Variants in DENND4C observed in about 807,000 individuals in gnomAD.
The protein encoded by DENND4C is DENN domain containing 4C, also known as DENN domain-containing protein 4C.
In DENND4C, 108 loss-of-function variants were observed where a neutral mutation model predicts 203.0. The observed-to-expected ratio is 0.53, with a 90% CI of 0.46 to 0.62. DENND4C has a LOEUF of 0.62. Among genes scored for constraint, DENND4C ranks in the 20% least tolerant of loss-of-function variants. The probability of loss-of-function intolerance (pLI) is 0.00; values close to 1 mark genes in which losing one functional copy is unlikely to be tolerated. For synonymous variants in DENND4C, 871 were observed against 792.4 expected, an observed-to-expected ratio of 1.10 and a Z score of -1.67; for missense variants, 2,481 against 2,301.2, an observed-to-expected ratio of 1.08 and a Z score of -1.60.
rs886956216 is a variant in DENND4C, at chr9:19,281,090, C to T, written c.305+4611C>T. Among the ~76,000 whole-genome samples, 5 of 152,266 alleles carry T rather than the reference C, an allele frequency of 3.3e-5. No homozygotes were observed. In the East Asian group the frequency reaches 9.6e-4, roughly 29 times the overall value. On this transcript the variant is annotated intron_variant, in intron 2 of 32. Transcript: ENST00000434457. ...TGACAAGCCCACCTGCCACCCCTCC[C>T]ATACAGTCATGACTGAAAGATGTGA...
chr9:19,372,970 A>ATTTTTTAATAAATAAATCTATTTTAAT lies in DENND4C; in HGVS notation c.*797_*798insTTTTTTAATAAATAAATCTATTTTAAT. 1 of 152,286 alleles carries ATTTTTTAATAAATAAATCTATTTTAAT rather than the reference A, an allele frequency of 6.6e-6. No homozygotes were observed. Among genetic ancestry groups the ATTTTTTAATAAATAAATCTATTTTAAT allele is most frequent in the Non-Finnish European group, 1.5e-5 (1 of 68,036 alleles). The allele number at this position is 152,286 out of a possible 1,614,324, so 9.4% of individuals were successfully genotyped here. On this transcript the variant is annotated 3_prime_UTR_variant, in exon 33 of 33. Transcript: ENST00000434457. ...CATATTCTAAGTGTATATTTATTAAAATAGATTGCATGTTGCAATACGGTT... is the reference window on the plus strand; with the variant it reads ...CATATTCTAAGTGTATATTTATTAAATTTTTTAATAAATAAATCTATTTTAATATAGATTGCATGTTGCAATACGGTT...
intron 1 of DENND4C, among the ~76,000 whole-genome samples, chr9:19,255,759 T>A (rs145897268): frequency 1.3e-5 from 2 of 152,246 alleles, no homozygotes; most frequent in African/African-American, 4.8e-5. Flanking sequence ...AAAAGACAAA[T>A]CCATAATTTT....
At chr9:19,237,116 G>T (rs560046966) in intron 1 of DENND4C, among the ~76,000 whole-genome samples, 4 of 152,114 alleles carry the variant, frequency 2.6e-5, no homozygotes, top group Non-Finnish European at 5.9e-5. Context: ...CACCTCCTCG[G>T]TTCAAGCGAT....
chr9:19,338,067 T>C (rs1428273255), intron 20 of DENND4C, among the ~76,000 whole-genome samples: 4 of 152,170 alleles, frequency 2.6e-5, no homozygotes, highest in African/African-American at 9.7e-5. Context: ...TACAGGAGCA[T>C]GTGTAAATTT....
At chr9:19,340,372 C>A (rs1018465247) in intron 20 of DENND4C, among the ~76,000 whole-genome samples, 3 of 152,204 alleles carry the variant, frequency 2.0e-5, no homozygotes, top group Non-Finnish European at 4.4e-5. Flanking sequence ...TAGTCCTCCC[C>A]TGGCCCTTTC....
chr9:19,303,069 G>C (rs543739290), intron 9 of DENND4C, among the ~76,000 whole-genome samples: 1 of 151,750 alleles, frequency 6.6e-6, no homozygotes, highest in South Asian at 2.1e-4. Flanking sequence ...AAAATGCTTG[G>C]AAAGAAGTGC....
At chr9:19,313,776 G>T (rs1161452327) in intron 10 of DENND4C, among the ~76,000 whole-genome samples, 1 of 152,216 alleles carries the variant, frequency 6.6e-6, no homozygotes, top group Non-Finnish European at 1.5e-5. Context: ...TTGACTTACA[G>T]TTTCTTGTGC....
At chr9:19,257,424 A>G (rs1040203673) in intron 1 of DENND4C, among the ~76,000 whole-genome samples, 3 of 152,098 alleles carry the variant, frequency 2.0e-5, no homozygotes, top group African/African-American at 4.8e-5. Context: ...TGCTTAGGAA[A>G]TGATTTGTAG....
intron 27 of DENND4C, 179 bp from the exon 28 acceptor site, chr9:19,357,785 CT>C: frequency 1.9e-6 from 1 of 523,108 alleles, no homozygotes; most frequent in Non-Finnish European, 3.3e-6. Context: ...CTACTCCATC[CT>C]GTTTTTCTGA....
intron 10 of DENND4C, among the ~76,000 whole-genome samples, chr9:19,306,667 A>C (rs1487300405): frequency 6.6e-6 from 1 of 151,918 alleles, no homozygotes; most frequent in African/African-American, 2.4e-5. Flanking sequence ...AATTTTGCGC[A>C]GTTTTGAGTA....
intron 16 of DENND4C, among the ~76,000 whole-genome samples, chr9:19,329,819 A>G (rs1215490309): frequency 1.3e-5 from 2 of 152,244 alleles, no homozygotes; most frequent in East Asian, 1.9e-4. Flanking sequence ...CAAGTATTAC[A>G]ATCCAAAGGG....
intron 30 of DENND4C, among the ~76,000 whole-genome samples, chr9:19,365,957 G>A (rs1827572345): frequency 6.6e-6 from 1 of 152,046 alleles, no homozygotes; most frequent in South Asian, 2.1e-4. Context: ...AATGTTTATG[G>A]TCTGGAAAAG....
Position 19,256,505 on chromosome 9 carries a change from A to T in DENND4C, c.-17-19653A>T, listed in dbSNP as rs186835789. Reference sequence around the variant, plus strand: ...CTAATTTTGTACTTTTAGAAGAGAGAGGTTTCTCTGTGTTGGTTAGGCTGG... The same window carrying T: ...CTAATTTTGTACTTTTAGAAGAGAGTGGTTTCTCTGTGTTGGTTAGGCTGG... On this transcript the variant is annotated intron_variant, in intron 1 of 32. Transcript: ENST00000434457. Among the ~76,000 whole-genome samples the T allele has an allele frequency of 4.0e-5, 6 of 151,220 alleles. No homozygotes were observed. The East Asian group carries it at 1.2e-3, about 30-fold the overall frequency.
At chr9:19,326,547 A>C (rs531125135) in intron 15 of DENND4C, among the ~76,000 whole-genome samples, 1 of 152,252 alleles carries the variant, frequency 6.6e-6, no homozygotes, top group Non-Finnish European at 1.5e-5. Flanking sequence ...AAGAAAACTT[A>C]AGGTAGAGGG....
At chr9:19,322,369 A>G (rs1843017867) in intron 12 of DENND4C, among the ~76,000 whole-genome samples, 1 of 152,190 alleles carries the variant, frequency 6.6e-6, no homozygotes, top group African/African-American at 2.4e-5. Context: ...AGAGGGGTTG[A>G]GAGTATTGAC....
chr9:19,323,518 TAGAA>T (rs1402830038), intron 12 of DENND4C, among the ~76,000 whole-genome samples: 1 of 151,978 alleles, frequency 6.6e-6, no homozygotes, highest in Non-Finnish European at 1.5e-5. Context: ...TGGTAGGAAT[TAGAA>T]AGGAGGAGAC....
At position 19,333,222 on chromosome 9, in the gene DENND4C, A is replaced by G. The variant is rs1028307314; in HGVS notation, c.2460+1038A>G. 2.0e-5 allele frequency among the ~76,000 whole-genome samples: 3 copies of G among 151,050 alleles called. No individual in the cohort carries two copies. The South Asian group carries it at 6.3e-4, about 32-fold the overall frequency. The stretch of plus-strand genomic sequence containing the variant: ...TGTAGAGATGGGGTCTCGATATGTT[A>G]CCTGGGCTGGTCTCAAACTCATGGT... On this transcript the variant is annotated intron_variant, in intron 17 of 32. Coordinates refer to ENST00000434457, the MANE Select transcript of DENND4C (RefSeq NM_001330640.2).
intron 12 of DENND4C, 73 bp from the exon 13 acceptor site, chr9:19,324,289 A>G: frequency 8.6e-7 from 1 of 1,157,792 alleles, no homozygotes; most frequent in Non-Finnish European, 1.2e-6. Flanking sequence ...ATAGATAAGT[A>G]CAAGTTTAAT....
intron 20 of DENND4C, among the ~76,000 whole-genome samples, chr9:19,339,218 C>G (rs1171076954): frequency 2.0e-5 from 3 of 152,114 alleles, no homozygotes; most frequent in African/African-American, 7.2e-5. Context: ...GGCATTTTCT[C>G]TTGTATATAA....
Sources: gnomAD v4.1 joint callset for allele counts (sites outside exome capture counted in the v4.1 genomes callset) on GRCh38, gnomAD v4.1.1 for gene constraint, MANE v1.5 for transcripts, NCBI Gene and HGNC (gene_info 2026-07-23, HGNC 2026-07-21) for gene names.